Variants in C10orf67 observed in about 807,000 individuals in gnomAD.
The protein encoded by C10orf67 is chromosome 10 open reading frame 67, also known as uncharacterized protein C10orf67, mitochondrial.
In C10orf67, 60 loss-of-function variants were observed where a neutral mutation model predicts 35.6. That is an observed-to-expected ratio of 1.68 (90% confidence interval 1.37 to 2.09). The LOEUF (loss-of-function observed/expected upper bound fraction) is 2.09. Ranked by LOEUF, C10orf67 falls within the 30% of genes most tolerant of loss-of-function variation. The probability of loss-of-function intolerance (pLI) is 0.00; values close to 1 mark genes in which losing one functional copy is unlikely to be tolerated. For synonymous variants in C10orf67, 167 were observed against 115.8 expected, an observed-to-expected ratio of 1.44 and a Z score of -2.84; for missense variants, 474 against 330.2, an observed-to-expected ratio of 1.44 and a Z score of -3.38.
chr10:23,311,756 T>C (rs1844508851), intron 4 of C10orf67, among the ~76,000 whole-genome samples: 1 of 151,844 alleles, frequency 6.6e-6, no homozygotes, highest in African/African-American at 2.4e-5. Context: ...AGTAACAACA[T>C]CAAAATAGTT....
At position 23,318,332 on chromosome 10, in the gene C10orf67, G is replaced by A. The variant is rs145242460; in HGVS notation, c.546+2409C>T. 5.9e-3 allele frequency: 896 copies of A among 152,326 alleles called. 8 individuals are homozygous for A. The highest frequency in any genetic ancestry group is 6.5e-3 in the Non-Finnish European group (442 of 68,174). 9.4% of individuals were successfully genotyped at this position (152,326 alleles called of 1,614,324 possible). On this transcript the variant is annotated intron_variant, in intron 4 of 15. Coordinates refer to ENST00000636213, the MANE Select transcript of C10orf67 (RefSeq NM_001371909.1). ...CTGGGCTGGGGTGACTCAAAGGCTGGGCTCAGATGAGCCTGGAGACCCAGT... is the reference window on the plus strand; with the variant it reads ...CTGGGCTGGGGTGACTCAAAGGCTGAGCTCAGATGAGCCTGGAGACCCAGT...
chr10:23,239,385 G>A (rs1842123699), intron 13 of C10orf67, among the ~76,000 whole-genome samples: 1 of 152,140 alleles, frequency 6.6e-6, no homozygotes. Context: ...TAGACTCCAA[G>A]CTTTGATATT....
intron 10 of C10orf67, among the ~76,000 whole-genome samples, chr10:23,257,541 AC>A (rs1842635279): frequency 6.6e-6 from 1 of 152,120 alleles, no homozygotes; most frequent in Non-Finnish European, 1.5e-5. Flanking sequence ...AGTGGCTTAC[AC>A]CTGTAATCCC....
In C10orf67 at chr10:23,291,220, C is replaced by T. The variant is rs745742896; in HGVS notation, c.762G>A (p.Glu254=). The T allele has an allele frequency of 2.2e-5, 16 of 717,000 alleles. No homozygotes were observed. Among genetic ancestry groups the T allele is most frequent in the South Asian group, 1.3e-4 (9 of 67,502 alleles). The allele number at this position is 717,000 out of a possible 1,614,324, so 44.4% of individuals were successfully genotyped here. Residue 254 remains glutamate (E), a synonymous_variant, in exon 6 of 16, where the codon GAG becomes GAA. Transcript: ENST00000636213. ...PKSNLEKENL[E]YKVENERLLQ... is the part of the protein sequence containing the mutation. ...GCAGCCTCTCATTTTCCACTTTGTA[C>T]TCCAAATTTTCCTTTTCTAGGTTTG...
intron 13 of C10orf67, among the ~76,000 whole-genome samples, chr10:23,237,479 C>CT (rs527326487): frequency 9.9e-5 from 15 of 151,324 alleles, no homozygotes; most frequent in African/African-American, 2.7e-4. Flanking sequence ...TTTATAGCAG[C>CT]TTTTTTTTTC....
At chr10:23,236,633 T>C (rs1003162566) in intron 13 of C10orf67, among the ~76,000 whole-genome samples, 1 of 152,102 alleles carries the variant, frequency 6.6e-6, no homozygotes, top group African/African-American at 2.4e-5. Flanking sequence ...ATCCCAGCCT[T>C]TTGGGAGCCC....
At chr10:23,337,187 GA>G (rs1288918669) in intron 1 of C10orf67, among the ~76,000 whole-genome samples, 1 of 152,120 alleles carries the variant, frequency 6.6e-6, no homozygotes, top group East Asian at 1.9e-4. Flanking sequence ...AATAAATATA[GA>G]AAAAAAGCAG....
intron 4 of C10orf67, among the ~76,000 whole-genome samples, chr10:23,303,707 CA>C (rs555288178): frequency 6.6e-6 from 1 of 152,152 alleles, no homozygotes; most frequent in Admixed American, 6.5e-5. Context: ...CTATAAAACA[CA>C]AAGCATGGTC....
At position 23,291,264 on chromosome 10, in the gene C10orf67, C is replaced by A. The variant is rs1274254348; in HGVS notation, c.718G>T (p.Glu240Ter). 1.4e-6 allele frequency: 1 copy of A among 713,992 alleles called. No homozygotes were observed. The allele number at this position is 713,992 out of a possible 1,614,324, so 44.2% of individuals were successfully genotyped here. ...GFHKMESFAKETSSPKSNLEK... is the reference protein window; with the variant it reads ...GFHKMESFAK ...AGGTTTGATTTTGGAGAGCTGGTTT[C>A]TTTGGCAAAAGATTCCTAAAAGATG... Residue 240 changes from glutamate (E) to a stop codon, truncating the protein, a stop_gained, in exon 6 of 16, where the codon GAA becomes TAA. Coordinates refer to ENST00000636213, the MANE Select transcript of C10orf67 (RefSeq NM_001371909.1). LOFTEE classifies it high-confidence loss of function.
chr10:23,217,519 C>A (rs1172409196), intron 15 of C10orf67, among the ~76,000 whole-genome samples: 1 of 152,112 alleles, frequency 6.6e-6, no homozygotes, highest in Non-Finnish European at 1.5e-5. Context: ...TTTGTTACTA[C>A]CATAATGGCT....
chr10:23,334,342 C>G (rs530304564), intron 1 of C10orf67, among the ~76,000 whole-genome samples: 2 of 152,326 alleles, frequency 1.3e-5, no homozygotes, highest in African/African-American at 4.8e-5. Context: ...TCTGGATGCA[C>G]TCTGTCAATT....
chr10:23,267,029 G>C (rs112849323), intron 9 of C10orf67, among the ~76,000 whole-genome samples, 166 bp downstream of exon 9: 193 of 152,300 alleles, frequency 1.3e-3, no homozygotes, highest in African/African-American at 4.5e-3. Flanking sequence ...ATAGGCATGA[G>C]CCACTGCTCC....
intron 2 of C10orf67, among the ~76,000 whole-genome samples, chr10:23,325,338 A>G (rs1845143465): frequency 6.6e-6 from 1 of 152,056 alleles, no homozygotes; most frequent in Non-Finnish European, 1.5e-5. Context: ...ACTCTGTCTC[A>G]TAAACAAAAA....
At chr10:23,220,739 A>C (rs879780295) in intron 15 of C10orf67, among the ~76,000 whole-genome samples, 2 of 152,192 alleles carry the variant, frequency 1.3e-5, no homozygotes, top group Non-Finnish European at 1.5e-5. Flanking sequence ...CCCACCTAAT[A>C]GGATTTTTGT....
At chr10:23,329,813 A>AG (rs1554817510) in intron 2 of C10orf67, among the ~76,000 whole-genome samples, 2 of 146,666 alleles carry the variant, frequency 1.4e-5, no homozygotes, top group South Asian at 2.1e-4. Context: ...AAAAAAAAAA[A>AG]AAAGAAAAGA....
intron 5 of C10orf67, among the ~76,000 whole-genome samples, chr10:23,295,519 T>C (rs923433911): frequency 6.6e-6 from 1 of 152,222 alleles, no homozygotes; most frequent in Admixed American, 6.5e-5. Flanking sequence ...AATTGATACA[T>C]GAATATTTCT....
chr10:23,316,602 G>C (rs1026189341), intron 4 of C10orf67: 21 of 152,454 alleles, frequency 1.4e-4, no homozygotes, highest in African/African-American at 4.3e-4. Context: ...AAGGCAAAGA[G>C]GTGCTTTATT....
intron 8 of C10orf67, among the ~76,000 whole-genome samples, chr10:23,276,573 T>C (rs1433712764): frequency 1.3e-5 from 2 of 152,148 alleles, no homozygotes; most frequent in African/African-American, 4.8e-5. Flanking sequence ...GGTGGGCTAA[T>C]AAAAGACCAA....
At chr10:23,323,422 C>T (rs1047011074) in intron 2 of C10orf67, among the ~76,000 whole-genome samples, 4 of 151,950 alleles carry the variant, frequency 2.6e-5, no homozygotes, top group African/African-American at 7.3e-5. Flanking sequence ...GAGTTTGAAA[C>T]CAGCCTGGGC....
Sources: gnomAD v4.1 joint callset for allele counts (sites outside exome capture counted in the v4.1 genomes callset) on GRCh38, gnomAD v4.1.1 for gene constraint, MANE v1.5 for transcripts, NCBI Gene and HGNC (gene_info 2026-07-23, HGNC 2026-07-21) for gene names.